RBFOX1: variants seen among roughly 807,000 people sequenced by gnomAD.
RBFOX1 encodes RNA binding fox-1 homolog 1.
In RBFOX1, 8 loss-of-function variants were observed where a neutral mutation model predicts 57.7. That is an observed-to-expected ratio of 0.14 (90% CI 0.08 to 0.25). RBFOX1 has a LOEUF of 0.25. Among genes scored for constraint, RBFOX1 ranks in the 10% least tolerant of loss-of-function variants. RBFOX1 has a pLI of 1.00. For missense variants in RBFOX1, 611 were observed against 548.5 expected (o/e 1.11, Z -1.14); for synonymous variants, 326 against 222.4 (o/e 1.47, Z -4.15).
intron 3 of RBFOX1, among the ~76,000 whole-genome samples, chr16:5,680,306 G>C (rs1347866810): frequency 1.3e-5 from 2 of 152,046 alleles, no homozygotes; most frequent in Non-Finnish European, 2.9e-5. Context: ...GAATAAGAAG[G>C]TCTCACCTGA....
chr16:6,857,898 T>G (rs983195400), intron 3 of RBFOX1, among the ~76,000 whole-genome samples: 4 of 152,226 alleles, frequency 2.6e-5, no homozygotes, highest in African/African-American at 7.2e-5. Flanking sequence ...CTAATGAGCC[T>G]ATCCCACAGA....
At position 7,518,315 on chromosome 16, in the gene RBFOX1, T is replaced by C. The variant is rs1600687118; in HGVS notation, c.196T>C (p.Tyr66His). The C allele has an allele frequency of 6.2e-7, 1 of 1,614,090 alleles. No homozygotes were observed. Among genetic ancestry groups the C allele is most frequent in the African/African-American group, 1.3e-5 (1 of 75,066 alleles). The change falls in exon 5 of 16, where the codon TAC becomes CAC. Residue 66 changes from tyrosine to histidine, a missense_variant. Physicochemically the swap from Tyr to His is moderately conservative, Grantham distance 83. Transcript: ENST00000550418. ...TTVPEHTLNL[Y>H]PPAQTHSEQS... is the part of the protein sequence containing the mutation. ...GGTTCCCGAGCACACATTAAACCTG[T>C]ACCCTCCCGCCCAGACGCACTCCGA...
intron 5 of RBFOX1, among the ~76,000 whole-genome samples, chr16:7,545,571 C>T (rs1294412475): frequency 1.3e-5 from 2 of 152,168 alleles, no homozygotes; most frequent in African/African-American, 2.4e-5. Context: ...AGGTAGAATG[C>T]TACTGCGGCT....
chr16:7,078,547 C>T lies in RBFOX1; in HGVS notation c.27+26449C>T, dbSNP rs866793826. Among the ~76,000 whole-genome samples, 42 of 151,862 alleles carry T rather than the reference C, an allele frequency of 2.8e-4. 1 individual carries two copies. The Middle Eastern group carries it at 0.01, about 37-fold the overall frequency. Reference sequence around the variant, plus strand: ...ATTTTTAGGAGAGTCAGGGTTTTGCCGTGTTGGCCAGGCTGGTCTCGAAAC... The same window carrying T: ...ATTTTTAGGAGAGTCAGGGTTTTGCTGTGTTGGCCAGGCTGGTCTCGAAAC... On this transcript the variant is annotated intron_variant, in intron 4 of 15. Coordinates refer to ENST00000550418, the MANE Select transcript of RBFOX1 (RefSeq NM_018723.4).
Position 7,710,603 on chromosome 16 carries a change from C to T in RBFOX1, c.1072-20C>T. 6.2e-7 allele frequency: 1 copy of T among 1,610,236 alleles called. No homozygotes were observed. The highest frequency in any genetic ancestry group is 8.5e-7 in the Non-Finnish European group (1 of 1,179,008). Reference sequence around the variant, plus strand: ...AAAGGAAAATGTAAAAAACACACCCCTCAAATTGCTTTGTTTCAGAATGCT... The same window carrying T: ...AAAGGAAAATGTAAAAAACACACCCTTCAAATTGCTTTGTTTCAGAATGCT... On this transcript the variant is annotated intron_variant, in intron 15 of 15. Coordinates refer to ENST00000550418, the MANE Select transcript of RBFOX1 (RefSeq NM_018723.4).
At chr16:6,744,053 G>C (rs193038442) in intron 3 of RBFOX1, among the ~76,000 whole-genome samples, 4 of 151,954 alleles carry the variant, frequency 2.6e-5, no homozygotes, top group African/African-American at 4.8e-5. Flanking sequence ...TAAAGATACA[G>C]AATGTGATCA....
chr16:6,446,052 A>C (rs1405493618), intron 2 of RBFOX1, among the ~76,000 whole-genome samples: 2 of 152,080 alleles, frequency 1.3e-5, no homozygotes, highest in Admixed American at 1.3e-4. Flanking sequence ...TCAGCCTTCA[A>C]CTTCTGGGCT....
At position 6,019,533 on chromosome 16, in the gene RBFOX1, GC is replaced by G. The variant is rs1456907390; in HGVS notation, c.-582del. 2 of 1,080,116 alleles carry G rather than the reference GC, an allele frequency of 1.9e-6. No homozygotes were observed. Among genetic ancestry groups the G allele is most frequent in the Non-Finnish European group, 2.2e-6 (2 of 891,236 alleles). The allele number at this position is 1,080,116 out of a possible 1,614,324, so 66.9% of individuals were successfully genotyped here. A position where few individuals can be genotyped will look rare whatever the true frequency, so the allele number is the denominator to read the frequency against. On this transcript the variant is annotated 5_prime_UTR_variant, in exon 1 of 16. Transcript: ENST00000550418. This position sits in a 1 kb window ranked among gnomAD's most constrained non-coding sequence, Gnocchi z 4.2. ...GCGGTGGGGCGGGGGCGCTCTGCCA[GC>G]CCCGGGAACAGCAGAGGCGGCGGCA...
Position 5,354,420 on chromosome 16 carries a change from A to T in RBFOX1, c.220-112796A>T, listed in dbSNP as rs145722091. 2.6e-5 allele frequency among the ~76,000 whole-genome samples: 4 copies of T among 152,294 alleles called. No individual in the cohort carries two copies. The East Asian group carries it at 7.7e-4, about 29-fold the overall frequency. The stretch of plus-strand genomic sequence containing the variant: ...TACCACTTATGGGCCATGTGACCTT[A>T]GGCAAGTCACTTGATCTTGCCAAGC... On this transcript the variant is annotated intron_variant, in intron 1 of 2. Transcript: ENST00000585867.
At chr16:6,250,565 G>C (rs2097601222) in intron 1 of RBFOX1, among the ~76,000 whole-genome samples, 2 of 152,176 alleles carry the variant, frequency 1.3e-5, no homozygotes, top group Non-Finnish European at 2.9e-5. Flanking sequence ...AGGAGCCCTA[G>C]TTAATTTTCA....
intron 11 of RBFOX1, among the ~76,000 whole-genome samples, chr16:7,652,338 C>T (rs2065244067): frequency 6.6e-6 from 1 of 152,108 alleles, no homozygotes; most frequent in Non-Finnish European, 1.5e-5. Context: ...GGCTTAATTC[C>T]CCTTCCTAAC....
chr16:5,349,919 C>G lies in RBFOX1; in HGVS notation c.219+109814C>G, dbSNP rs13336238. Reference sequence around the variant, plus strand: ...GCACCATCCACCGGCTCCCACTCTCCCTGTGCTCCTTCCCAGCACAAGGCA... The same window carrying G: ...GCACCATCCACCGGCTCCCACTCTCGCTGTGCTCCTTCCCAGCACAAGGCA... On this transcript the variant is annotated intron_variant, in intron 1 of 2. Coordinates refer to the RBFOX1 transcript ENST00000585867. 4.3e-3 allele frequency among the ~76,000 whole-genome samples: 649 copies of G among 152,270 alleles called. 3 individuals are homozygous for G. The highest frequency in any genetic ancestry group is 0.014 in the African/African-American group (577 of 41,558).
chr16:7,283,295 C>A (rs2095584344), intron 4 of RBFOX1, among the ~76,000 whole-genome samples: 1 of 151,864 alleles, frequency 6.6e-6, no homozygotes, highest in South Asian at 2.1e-4. Context: ...TGGCCTTCCT[C>A]CCTGGTCCCC....
At chr16:7,653,360 G>A (rs998463939) in intron 11 of RBFOX1, among the ~76,000 whole-genome samples, 1 of 152,080 alleles carries the variant, frequency 6.6e-6, no homozygotes, top group African/African-American at 2.4e-5. Context: ...AAATTAGCCA[G>A]GTGTGGTAGC....
intron 4 of RBFOX1, among the ~76,000 whole-genome samples, chr16:5,909,403 TA>T (rs1157525051): frequency 6.6e-6 from 1 of 151,912 alleles, no homozygotes; most frequent in Non-Finnish European, 1.5e-5. Flanking sequence ...AAGCCCTTTC[TA>T]AAAAAAATAA....
At chr16:5,823,242 C>T (rs1052190626) in intron 3 of RBFOX1, among the ~76,000 whole-genome samples, 2 of 152,120 alleles carry the variant, frequency 1.3e-5, no homozygotes, top group Non-Finnish European at 2.9e-5. Context: ...AGCATAAGTC[C>T]TTACACATAG....
intron 2 of RBFOX1, among the ~76,000 whole-genome samples, chr16:6,336,140 T>C (rs2083636434): frequency 9.5e-6 from 1 of 105,254 alleles, no homozygotes; most frequent in Non-Finnish European, 1.9e-5. Context: ...TATATATTCA[T>C]ATATATACAT....
At chr16:7,093,445 C>T (rs59159147) in intron 4 of RBFOX1, among the ~76,000 whole-genome samples, 2,089 of 152,262 alleles carry the variant, frequency 0.014, 43 homozygotes, top group African/African-American at 0.048. Context: ...ATAGTCACAT[C>T]TTTAATGTTG....
chr16:6,526,016 G>C (rs1397863648), intron 2 of RBFOX1, among the ~76,000 whole-genome samples: 1 of 152,124 alleles, frequency 6.6e-6, no homozygotes, highest in African/African-American at 2.4e-5. Context: ...GTATGAGATT[G>C]GGAAAAATGG....
Sources: gnomAD v4.1 joint callset for allele counts (sites outside exome capture counted in the v4.1 genomes callset) on GRCh38, gnomAD v4.1.1 for gene constraint, Gnocchi (gnomAD v3.1) non-coding constraint, MANE v1.5 for transcripts, NCBI Gene and HGNC (gene_info 2026-07-23, HGNC 2026-07-21) for gene names.